Variants in SPIDR observed in about 807,000 individuals in gnomAD.
The protein encoded by SPIDR is DNA repair-scaffolding protein.
Under a neutral mutation model 104.6 loss-of-function variants are expected in SPIDR, and 93 were observed. The observed-to-expected ratio is 0.89, with a 90% CI of 0.75 to 1.06. The LOEUF is 1.06. Among genes scored for constraint, SPIDR ranks in the 50% least tolerant of loss-of-function variants. SPIDR has a pLI of 0.00. For synonymous variants in SPIDR, 431 were observed against 416.9 expected (o/e 1.03, Z -0.41); for missense variants, 1,154 against 1,111.2 (o/e 1.04, Z -0.55).
At chr8:47,732,278 G>A in intron 19 of SPIDR, 1 of 691,722 alleles carries the variant, frequency 1.4e-6, no homozygotes, top group South Asian at 1.5e-5. Context: ...TCAAAGGTGT[G>A]TGTACCTGAG....
chr8:47,564,316 A>T (rs1188042053), intron 8 of SPIDR, among the ~76,000 whole-genome samples: 1 of 151,852 alleles, frequency 6.6e-6, no homozygotes, highest in Non-Finnish European at 1.5e-5. Flanking sequence ...TGACTTTGTG[A>T]TCTGCCCGGC....
chr8:47,498,385 A>T (rs2079797208), intron 8 of SPIDR, among the ~76,000 whole-genome samples: 1 of 152,218 alleles, frequency 6.6e-6, no homozygotes, highest in African/African-American at 2.4e-5. Flanking sequence ...TTATGATCTA[A>T]CACACTGTAA....
chr8:47,586,782 T>G (rs889254621), intron 8 of SPIDR, among the ~76,000 whole-genome samples: 13 of 152,176 alleles, frequency 8.5e-5, no homozygotes, highest in African/African-American at 3.1e-4. Context: ...TGTTAGCTTG[T>G]TTTTGAGAGG....
At chr8:47,399,725 T>C (rs1324610075) in intron 6 of SPIDR, among the ~76,000 whole-genome samples, 1 of 152,026 alleles carries the variant, frequency 6.6e-6, no homozygotes, top group Admixed American at 6.5e-5. Flanking sequence ...TTGACAGGAG[T>C]TCCGAGAGTA....
chr8:47,417,822 A>G (rs1402490321), intron 7 of SPIDR, among the ~76,000 whole-genome samples: 3 of 152,196 alleles, frequency 2.0e-5, no homozygotes, highest in African/African-American at 7.2e-5. Flanking sequence ...GAAGGGATCC[A>G]GTTTCAGCTT....
chr8:47,409,467 A>G (rs972199697), intron 7 of SPIDR, among the ~76,000 whole-genome samples: 4 of 152,124 alleles, frequency 2.6e-5, no homozygotes, highest in Admixed American at 2.0e-4. Flanking sequence ...CATCTAGAGT[A>G]GGGGATGGGT....
intron 8 of SPIDR, among the ~76,000 whole-genome samples, chr8:47,490,372 A>G (rs1191786396): frequency 6.6e-6 from 1 of 152,212 alleles, no homozygotes; most frequent in Non-Finnish European, 1.5e-5. Flanking sequence ...GGATGTGGAG[A>G]AACAGGAACA....
chr8:47,467,936 A>G (rs1554718606), intron 8 of SPIDR, among the ~76,000 whole-genome samples: 2 of 152,208 alleles, frequency 1.3e-5, no homozygotes, highest in Non-Finnish European at 2.9e-5. Flanking sequence ...TGCAGAAGAC[A>G]TGATCCTCTA....
chr8:47,429,518 C>A (rs2066974996), intron 7 of SPIDR, among the ~76,000 whole-genome samples: 1 of 152,136 alleles, frequency 6.6e-6, no homozygotes, highest in Non-Finnish European at 1.5e-5. Flanking sequence ...ACAGTTAATT[C>A]CCCAAAATAT....
chr8:47,501,939 A>G (rs111664510), intron 8 of SPIDR, among the ~76,000 whole-genome samples: 2 of 152,084 alleles, frequency 1.3e-5, no homozygotes, highest in African/African-American at 2.4e-5. Flanking sequence ...TATATGCTGG[A>G]TTATGTTTAT....
chr8:47,351,293 A>C (rs1270815302), intron 5 of SPIDR, among the ~76,000 whole-genome samples: 1 of 152,204 alleles, frequency 6.6e-6, no homozygotes, highest in Non-Finnish European at 1.5e-5. Context: ...TCAGACATCC[A>C]CTGGGGGTCT....
Position 47,627,950 on chromosome 8 carries a change from G to A in SPIDR, c.1544+28754G>A, listed in dbSNP as rs564546561. 2.6e-4 allele frequency among the ~76,000 whole-genome samples: 39 copies of A among 152,284 alleles called. 1 individual carries two copies. In the South Asian group the frequency reaches 5.8e-3, roughly 23 times the overall value. On this transcript the variant is annotated intron_variant, in intron 10 of 19. Transcript: ENST00000297423. The stretch of plus-strand genomic sequence containing the variant: ...GCCTGGTAGTGCACAGGTCTCTTAC[G>A]CAGGATGAAGGGCTTCTGATGAAAA...
rs1033246766 is a variant in SPIDR at position 47,539,087 on chromosome 8, C to G, written c.1098-56724C>G. 7.0e-4 allele frequency among the ~76,000 whole-genome samples: 106 copies of G among 152,040 alleles called. 1 individual carries two copies. The highest frequency in any genetic ancestry group is 2.4e-3 in the African/African-American group (101 of 41,490). On this transcript the variant is annotated intron_variant, in intron 8 of 19. Transcript: ENST00000297423. ...GGTTGGCCAGGCTGGTCTCGAACTC[C>G]TGACCTCAGGTGATCCACCCGCTTC...
At chr8:47,660,296 A>G in intron 10 of SPIDR, 1 of 283,206 alleles carries the variant, frequency 3.5e-6, no homozygotes, top group Non-Finnish European at 5.3e-6. Context: ...AAAATTCTTA[A>G]AGACAAATAT....
intron 6 of SPIDR, among the ~76,000 whole-genome samples, chr8:47,406,865 TG>T (rs1373473289): frequency 6.6e-6 from 1 of 152,210 alleles, no homozygotes; most frequent in Non-Finnish European, 1.5e-5. Context: ...ATCTGTGCAG[TG>T]GGTACTGATA....
chr8:47,729,051 G>A lies in SPIDR; in HGVS notation c.2550+4G>A. 1 of 1,613,750 alleles carries A rather than the reference G, an allele frequency of 6.2e-7. No homozygotes were observed. The highest frequency in any genetic ancestry group is 8.5e-7 in the Non-Finnish European group (1 of 1,179,956). ...GCAGTGCAGAGTGAAGGTCAAGGTA[G>A]GAGCCAGGCCAGAGCACGCACGCAC... is the stretch of plus-strand genomic sequence containing the variant. On this transcript the variant is annotated splice_donor_region_variant and intron_variant, in intron 18 of 19. Coordinates refer to ENST00000297423, the MANE Select transcript of SPIDR (RefSeq NM_001080394.4).
chr8:47,500,213 G>A (rs184228907), intron 8 of SPIDR, among the ~76,000 whole-genome samples: 5 of 152,222 alleles, frequency 3.3e-5, no homozygotes, highest in Non-Finnish European at 5.9e-5. Context: ...CTGAGGAATC[G>A]CCACACTGAC....
chr8:47,708,667 C>T (rs1176836541), intron 14 of SPIDR, among the ~76,000 whole-genome samples: 2 of 152,196 alleles, frequency 1.3e-5, no homozygotes, highest in African/African-American at 2.4e-5. Flanking sequence ...ATCTGCTCCA[C>T]GTGTTTATTC....
chr8:47,393,314 C>T (rs1199580100), intron 5 of SPIDR, among the ~76,000 whole-genome samples: 2 of 152,204 alleles, frequency 1.3e-5, no homozygotes, highest in Middle Eastern at 3.2e-3. Context: ...TTCCCACTAC[C>T]TCTCAGATCC....
Sources: gnomAD v4.1 joint callset for allele counts (sites outside exome capture counted in the v4.1 genomes callset) on GRCh38, gnomAD v4.1.1 for gene constraint, MANE v1.5 for transcripts, NCBI Gene and HGNC (gene_info 2026-07-23, HGNC 2026-07-21) for gene names.